Variants in VRTN observed in about 807,000 individuals in gnomAD.
VRTN encodes the protein vertebrae development associated, also known as vertnin.
VRTN carries 5 observed loss-of-function variants against 18.2 expected under a neutral mutation model. The ratio of observed to expected loss-of-function variants is 0.27; its 90% CI spans 0.14 to 0.58. VRTN has a LOEUF of 0.58. Among genes scored for constraint, VRTN ranks in the 20% least tolerant of loss-of-function variants. VRTN has a pLI of 0.91. For missense variants in VRTN, 741 were observed against 939.4 expected (o/e 0.79, Z 2.76); for synonymous variants, 381 against 393.7 (o/e 0.97, Z 0.38).
Position 74,353,595 on chromosome 14 carries a change from G to A in VRTN, c.-1-3188G>A, listed in dbSNP as rs559141270. ...GGTCTGCAGACCCTGAAAACCTTTT[G>A]TTTATATAGGTTATATCTACCAGTG... is the stretch of plus-strand genomic sequence containing the variant. On this transcript the variant is annotated intron_variant, in intron 1 of 1. Transcript: ENST00000256362. Among the ~76,000 whole-genome samples the A allele has an allele frequency of 7.2e-5, 11 of 152,006 alleles. No individual in the cohort carries two copies. The South Asian group carries it at 2.3e-3, about 32-fold the overall frequency.
intron 1 of VRTN, among the ~76,000 whole-genome samples, chr14:74,314,608 T>C (rs2085408505): frequency 6.6e-6 from 1 of 152,002 alleles, no homozygotes; most frequent in Non-Finnish European, 1.5e-5. Context: ...TTCATCGAGT[T>C]AGCCAGGATG....
At chr14:74,352,756 C>A (rs1230256079) in intron 1 of VRTN, among the ~76,000 whole-genome samples, 1 of 152,122 alleles carries the variant, frequency 6.6e-6, no homozygotes, top group African/African-American at 2.4e-5. Flanking sequence ...ACCCAAACAC[C>A]ATTTTTAAAC....
chr14:74,338,039 A>G (rs1413832805), intron 2 of VRTN, among the ~76,000 whole-genome samples: 1 of 152,184 alleles, frequency 6.6e-6, no homozygotes, highest in Non-Finnish European at 1.5e-5. Flanking sequence ...TCCTGATCCA[A>G]AAAGTATCAC....
rs568081799 is a variant in VRTN at position 74,349,600 on chromosome 14, T to C, written c.-2+948T>C. On this transcript the variant is annotated intron_variant, in intron 1 of 1. Coordinates refer to ENST00000256362, the MANE Select transcript of VRTN (RefSeq NM_018228.3). ...TGAGGCTGGTGGGGAAGGATTTTGT[T>C]CTAAAGACCAGGCCAGGCTCATAAC... Among the ~76,000 whole-genome samples the C allele has an allele frequency of 5.3e-5, 8 of 152,290 alleles. No homozygotes were observed. In the South Asian group the frequency reaches 1.4e-3, roughly 28 times the overall value.
intron 1 of VRTN, chr14:74,306,574 T>TTGTGTGTG (rs148393692): frequency 2.0e-5 from 3 of 147,890 alleles, no homozygotes; most frequent in African/African-American, 7.4e-5. Flanking sequence ...TGTAGTTGGT[T>TTGTGTGTG]TGTGTGTGTG....
At chr14:74,322,861 C>T (rs1383944898) in intron 1 of VRTN, among the ~76,000 whole-genome samples, 1 of 152,130 alleles carries the variant, frequency 6.6e-6, no homozygotes, top group African/African-American at 2.4e-5. Context: ...GGACCGGGCA[C>T]GGTGGCTCAC....
At chr14:74,353,871 C>T (rs1454985111) in intron 1 of VRTN, among the ~76,000 whole-genome samples, 2 of 151,906 alleles carry the variant, frequency 1.3e-5, no homozygotes, top group African/African-American at 2.4e-5. Flanking sequence ...TAGAGGCGCC[C>T]GCCAGCGTGC....
chr14:74,326,320 G>A (rs1164003122), intron 1 of VRTN, among the ~76,000 whole-genome samples: 1 of 152,148 alleles, frequency 6.6e-6, no homozygotes, highest in Non-Finnish European at 1.5e-5. Flanking sequence ...TGGGGAAGCA[G>A]GGTGTTTTGG....
chr14:74,328,782 G>A (rs1441890052), intron 1 of VRTN, among the ~76,000 whole-genome samples: 1 of 152,196 alleles, frequency 6.6e-6, no homozygotes, highest in Non-Finnish European at 1.5e-5. Flanking sequence ...TGGATCACCT[G>A]AGGTCAGGGG....
chr14:74,319,378 A>G (rs1379161692), intron 1 of VRTN, among the ~76,000 whole-genome samples: 1 of 152,198 alleles, frequency 6.6e-6, no homozygotes, highest in East Asian at 1.9e-4. Flanking sequence ...AATAGAGACA[A>G]TCAGATTTGG....
At chr14:74,316,370 G>C (rs905834929) in intron 1 of VRTN, among the ~76,000 whole-genome samples, 2 of 151,844 alleles carry the variant, frequency 1.3e-5, no homozygotes, top group African/African-American at 4.8e-5. Context: ...ATAAAAATTA[G>C]CCAGGTGTGT....
At chr14:74,304,725 T>C (rs905964154) in intron 1 of VRTN, among the ~76,000 whole-genome samples, 3 of 152,102 alleles carry the variant, frequency 2.0e-5, no homozygotes, top group Non-Finnish European at 2.9e-5. Context: ...CCCCTAGCAT[T>C]GAGAACCACT....
Position 74,359,205 on chromosome 14 carries a change from G to A in VRTN, c.*313G>A, listed in dbSNP as rs2085762569. The stretch of plus-strand genomic sequence containing the variant: ...TTGGTTGGCCCCCTTGCTGGAGTTG[G>A]AAGCCGTATGTATGTCAGGGGGTTT... On this transcript the variant is annotated 3_prime_UTR_variant, in exon 2 of 2. Transcript: ENST00000256362. 1 of 307,346 alleles carries A rather than the reference G, an allele frequency of 3.3e-6. No individual in the cohort carries two copies. Among genetic ancestry groups the A allele is most frequent in the African/African-American group, 2.1e-5 (1 of 46,518 alleles). The allele number at this position is 307,346 out of a possible 1,614,324, so 19.0% of individuals were successfully genotyped here.
Position 74,357,153 on chromosome 14 carries a change from A to G in VRTN, c.370A>G (p.Ile124Val). 1 of 1,598,090 alleles carries G rather than the reference A, an allele frequency of 6.3e-7. No individual in the cohort carries two copies. The highest frequency in any genetic ancestry group is 8.5e-7 in the Non-Finnish European group (1 of 1,172,856). Residue 124 changes from isoleucine (I) to valine (V), a missense_variant, in exon 2 of 2, where the codon ATC becomes GTC. Physicochemically the swap from Ile to Val is conservative, Grantham distance 29 (BLOSUM62 3). Coordinates refer to ENST00000256362, the MANE Select transcript of VRTN (RefSeq NM_018228.3). This position sits in a 1 kb window ranked among gnomAD's most constrained non-coding sequence, Gnocchi z 7.8. ...LHRHYYLQGM[I>V]DSKVMLQAVR... Reference sequence around the variant, plus strand: ...CAGACACTACTACCTCCAGGGCATGATCGACTCCAAAGTGATGCTGCAGGC... The same window carrying G: ...CAGACACTACTACCTCCAGGGCATGGTCGACTCCAAAGTGATGCTGCAGGC...
At chr14:74,303,411 G>T (rs957180327) in intron 1 of VRTN, among the ~76,000 whole-genome samples, 1 of 152,104 alleles carries the variant, frequency 6.6e-6, no homozygotes, top group Non-Finnish European at 1.5e-5. Context: ...ATTAGCCGGG[G>T]ATGGTGGCGA....
chr14:74,355,141 C>CA (rs34077833), intron 1 of VRTN, among the ~76,000 whole-genome samples: 18,405 of 108,498 alleles, frequency 0.17, 1,524 homozygotes, highest in South Asian at 0.25. Context: ...GACTCAGTCT[C>CA]AAAAAAAAAA....
At chr14:74,355,693 C>T (rs1459125093) in intron 1 of VRTN, among the ~76,000 whole-genome samples, 1 of 152,016 alleles carries the variant, frequency 6.6e-6, no homozygotes, top group African/African-American at 2.4e-5. Context: ...TTCCACCATG[C>T]CTGGCTAACT....
In VRTN at chr14:74,358,505, G is replaced by T; in HGVS notation, c.1722G>T (p.Glu574Asp). The T allele has an allele frequency of 6.2e-7, 1 of 1,613,850 alleles. No homozygotes were observed. Among genetic ancestry groups the T allele is most frequent in the African/African-American group, 1.3e-5 (1 of 75,074 alleles). ...TLGKGGQEAE[E>D]KQEKEAGRDV... ...GCAAAGGGGGGCAGGAGGCTGAGGA[G>T]AAGCAGGAGAAGGAGGCTGGCAGGG... Residue 574 changes from glutamate to aspartate, a missense_variant, in exon 2 of 2, where the codon GAG becomes GAT. Physicochemically the swap from Glu to Asp is conservative, Grantham distance 45 (BLOSUM62 2). Transcript: ENST00000256362. The surrounding 1 kb of genome is among the most constrained non-coding windows in gnomAD (Gnocchi z 5.4).
intron 1 of VRTN, among the ~76,000 whole-genome samples, chr14:74,310,227 G>A (rs1052693430): frequency 1.3e-5 from 2 of 151,804 alleles, no homozygotes; most frequent in African/African-American, 4.8e-5. Context: ...GAGAAACCCC[G>A]TCTCTACTAA....
Sources: allele counts gnomAD v4.1 joint callset (sites outside exome capture counted in the v4.1 genomes callset), GRCh38; gene constraint gnomAD v4.1.1; non-coding constraint Gnocchi (gnomAD v3.1); transcripts MANE v1.5; gene names NCBI Gene and HGNC (gene_info 2026-07-23, HGNC 2026-07-21).